The following CLCN3 variants were observed in gnomAD, a reference collection of about 807,000 sequenced individuals.
CLCN3 encodes H(+)/Cl(-) exchange transporter 3.
CLCN3 carries 16 observed loss-of-function variants against 83.4 expected under a neutral mutation model. The ratio of observed to expected loss-of-function variants is 0.19; its 90% confidence interval spans 0.13 to 0.29. The LOEUF (loss-of-function observed/expected upper bound fraction) is 0.29, where lower values mean the gene tolerates loss of function less well. CLCN3 is among the 10% of genes least tolerant of loss of function. The probability of loss-of-function intolerance (pLI) is 1.00; values close to 1 mark genes in which losing one functional copy is unlikely to be tolerated. For synonymous variants in CLCN3, 322 were observed against 346.2 expected, an observed-to-expected ratio of 0.93 and a Z score of 0.78; for missense variants, 544 against 1,006.0, an observed-to-expected ratio of 0.54 and a Z score of 6.21.
intron 3 of CLCN3, among the ~76,000 whole-genome samples, chr4:169,682,630 T>C (rs909142793): frequency 7.2e-5 from 11 of 152,216 alleles, no homozygotes; most frequent in African/African-American, 2.2e-4. Context: ...TAGTTCCTTA[T>C]GCATGGTTCT....
At chr4:169,718,931 T>G (rs948587231) in intron 12 of CLCN3, among the ~76,000 whole-genome samples, 15 of 152,230 alleles carry the variant, frequency 9.9e-5, no homozygotes, top group Non-Finnish European at 1.9e-4. Flanking sequence ...ACTAAGACTT[T>G]CATAAAAGCA....
At chr4:169,681,778 G>C (rs773333632) in intron 3 of CLCN3, among the ~76,000 whole-genome samples, 4 of 152,074 alleles carry the variant, frequency 2.6e-5, no homozygotes, top group African/African-American at 9.7e-5. Flanking sequence ...ACATTTTTAC[G>C]AAACTATATT....
At chr4:169,628,843 A>G (rs1165520405) in intron 1 of CLCN3, among the ~76,000 whole-genome samples, 1 of 152,252 alleles carries the variant, frequency 6.6e-6, no homozygotes, top group Non-Finnish European at 1.5e-5. Flanking sequence ...AAACCTGTAC[A>G]TGCATGTTTG....
At chr4:169,667,951 G>A (rs1410970797) in intron 2 of CLCN3, among the ~76,000 whole-genome samples, 1 of 151,174 alleles carries the variant, frequency 6.6e-6, no homozygotes, top group Non-Finnish European at 1.5e-5. Flanking sequence ...ATATTGGCCA[G>A]GCTGCTCTTG....
intron 3 of CLCN3, among the ~76,000 whole-genome samples, chr4:169,683,207 A>T (rs1732015054): frequency 6.6e-6 from 1 of 152,200 alleles, no homozygotes; most frequent in African/African-American, 2.4e-5. Context: ...ATCAAAGGAA[A>T]CCAAAACAGG....
chr4:169,631,185 A>C (rs1773359727), intron 1 of CLCN3, among the ~76,000 whole-genome samples: 1 of 151,930 alleles, frequency 6.6e-6, no homozygotes, highest in Admixed American at 6.6e-5. Context: ...TTTGATTTCC[A>C]TTTCTCTAAT....
intron 4 of CLCN3, 62 bp downstream of exon 4, chr4:169,687,819 C>A (rs1732221385): frequency 2.4e-6 from 2 of 841,096 alleles, no homozygotes; most frequent in South Asian, 4.0e-5. Flanking sequence ...GTTCTTCCCT[C>A]CTTCCCTCAA....
intron 10 of CLCN3, among the ~76,000 whole-genome samples, chr4:169,706,362 A>G (rs1356196220): frequency 1.3e-5 from 2 of 152,148 alleles, no homozygotes; most frequent in East Asian, 1.9e-4. Flanking sequence ...TATTACTTGC[A>G]TCGTTAATGT....
At chr4:169,637,328 C>A (rs1363124212) in intron 2 of CLCN3, among the ~76,000 whole-genome samples, 1 of 151,872 alleles carries the variant, frequency 6.6e-6, no homozygotes, top group Non-Finnish European at 1.5e-5. Context: ...GTGAAGATAT[C>A]ATCAATTCTA....
At chr4:169,706,831 C>G in intron 10 of CLCN3, 37 bp from the exon 11 acceptor site, 1 of 1,557,680 alleles carries the variant, frequency 6.4e-7, no homozygotes, top group Admixed American at 1.8e-5. Flanking sequence ...GATGAGGATC[C>G]TGTCCTTCCT....
intron 12 of CLCN3, 65 bp from the exon 13 acceptor site, chr4:169,719,842 T>C (rs28704165): frequency 0.14 from 183,031 of 1,310,534 alleles, 15,342 homozygotes; most frequent in African/African-American, 0.39. Context: ...GATTTAGCTA[T>C]AGATTTAGCT....
intron 2 of CLCN3, among the ~76,000 whole-genome samples, chr4:169,654,381 T>G (rs182931872): frequency 6.6e-6 from 1 of 152,240 alleles, no homozygotes; most frequent in Admixed American, 6.5e-5. Context: ...TTCTATTATG[T>G]ATTTCTTTTC....
At chr4:169,686,138 A>G (rs1732149330) in intron 3 of CLCN3, among the ~76,000 whole-genome samples, 1 of 152,090 alleles carries the variant, frequency 6.6e-6, no homozygotes, top group African/African-American at 2.4e-5. Flanking sequence ...ACACATGGAC[A>G]CAGGAAGGGG....
intron 1 of CLCN3, among the ~76,000 whole-genome samples, chr4:169,634,103 AT>A (rs1214650901): frequency 1.3e-5 from 2 of 152,140 alleles, no homozygotes; most frequent in Non-Finnish European, 2.9e-5. Flanking sequence ...TATGAAATTA[AT>A]TTTTTTAACG....
chr4:169,633,131 G>A (rs1773421212), intron 1 of CLCN3, among the ~76,000 whole-genome samples: 1 of 152,138 alleles, frequency 6.6e-6, no homozygotes, highest in South Asian at 2.1e-4. Flanking sequence ...TCATGCCTCA[G>A]GCTCCTTAGT....
chr4:169,691,276 C>G (rs1483750717), intron 6 of CLCN3, among the ~76,000 whole-genome samples: 1 of 152,088 alleles, frequency 6.6e-6, no homozygotes, highest in African/African-American at 2.4e-5. Context: ...CTCAGCCTCC[C>G]AAAGTGCTGG....
At chr4:169,680,392 T>A in intron 3 of CLCN3, 185 bp downstream of exon 3, 1 of 476,746 alleles carries the variant, frequency 2.1e-6, no homozygotes, top group Non-Finnish European at 3.7e-6. Context: ...ACTTATACCC[T>A]GTAACTTTCC....
chr4:169,669,754 A>G (rs1444341791), intron 2 of CLCN3, among the ~76,000 whole-genome samples: 3 of 152,144 alleles, frequency 2.0e-5, no homozygotes, highest in Admixed American at 6.5e-5. Flanking sequence ...AGCAATCCTC[A>G]TATAGTTAGG....
chr4:169,662,408 C>CT (rs1249816754), intron 2 of CLCN3, among the ~76,000 whole-genome samples: 2 of 152,122 alleles, frequency 1.3e-5, no homozygotes, highest in African/African-American at 4.8e-5. Context: ...ATCCTAGTGT[C>CT]TATGCGTAAG....
Sources: allele counts gnomAD v4.1 joint callset (sites outside exome capture counted in the v4.1 genomes callset), GRCh38; gene constraint gnomAD v4.1.1; transcripts MANE v1.5; gene names NCBI Gene and HGNC (gene_info 2026-07-23, HGNC 2026-07-21).